The following PALLD variants were observed in gnomAD, a reference collection of about 807,000 sequenced individuals.
PALLD encodes palladin.
A neutral mutation model predicts 123.5 loss-of-function variants in PALLD; 61 were observed. That is an observed-to-expected ratio of 0.49 (90% CI 0.40 to 0.61). PALLD has a LOEUF of 0.61. Among genes scored for constraint, PALLD ranks in the 20% least tolerant of loss-of-function variants. PALLD has a pLI of 0.00. For synonymous variants in PALLD, 465 were observed against 496.4 expected (o/e 0.94, Z 0.84); for missense variants, 1,273 against 1,377.0 (o/e 0.92, Z 1.20).
rs78313144 is a variant in PALLD at position 168,843,542 on chromosome 4, C to G, written c.1965-47380C>G. Among the ~76,000 whole-genome samples the G allele has an allele frequency of 3.2e-3, 491 of 152,244 alleles. 3 individuals carry two copies. The highest frequency in any genetic ancestry group is 0.011 in the African/African-American group (476 of 41,536). On this transcript the variant is annotated intron_variant, in intron 10 of 21. Transcript: ENST00000505667. ...ATTATTCCAGGTAATAATGATGCTACAATTAGAAAGTTTTCCAATTGTAGT... is the reference window on the plus strand; with the variant it reads ...ATTATTCCAGGTAATAATGATGCTAGAATTAGAAAGTTTTCCAATTGTAGT...
intron 10 of PALLD, among the ~76,000 whole-genome samples, chr4:168,847,913 TAA>T (rs1347673518): frequency 6.6e-6 from 1 of 152,200 alleles, no homozygotes; most frequent in Non-Finnish European, 1.5e-5. Context: ...CCAGGCATAT[TAA>T]GAGAGAGCTA....
intron 2 of PALLD, among the ~76,000 whole-genome samples, chr4:168,544,190 A>G (rs1450732680): frequency 6.6e-6 from 1 of 152,242 alleles, no homozygotes; most frequent in East Asian, 1.9e-4. Context: ...TCACTGATAT[A>G]TACTGATTAT....
chr4:168,736,592 C>T (rs909705131), intron 10 of PALLD, among the ~76,000 whole-genome samples: 1 of 152,148 alleles, frequency 6.6e-6, no homozygotes, highest in African/African-American at 2.4e-5. Context: ...AATGATCCAG[C>T]AAAGGCGAAT....
intron 2 of PALLD, chr4:168,648,440 A>G (rs953074108): frequency 2.6e-5 from 4 of 152,174 alleles, no homozygotes; most frequent in African/African-American, 9.7e-5. Context: ...TTCGGTCCAT[A>G]TGGGTATAAA....
At chr4:168,549,216 T>C (rs1766476678) in intron 2 of PALLD, among the ~76,000 whole-genome samples, 1 of 151,348 alleles carries the variant, frequency 6.6e-6, no homozygotes, top group Non-Finnish European at 1.5e-5. Flanking sequence ...TTTACAAAGA[T>C]ATCATTGAAA....
intron 10 of PALLD, among the ~76,000 whole-genome samples, chr4:168,731,244 C>T (rs1195280992): frequency 1.3e-5 from 2 of 152,306 alleles, no homozygotes; most frequent in South Asian, 2.1e-4. Context: ...TCAGTTTTTT[C>T]ACGATGAAGC....
chr4:168,674,039 C>T (rs1277016631), intron 3 of PALLD, among the ~76,000 whole-genome samples: 1 of 151,992 alleles, frequency 6.6e-6, no homozygotes, highest in Non-Finnish European at 1.5e-5. Flanking sequence ...CTCAGCCTCC[C>T]AAATAGCTGG....
At chr4:168,755,931 A>G in intron 10 of PALLD, 1 of 169,410 alleles carries the variant, frequency 5.9e-6, no homozygotes. Flanking sequence ...GACTTCAGTC[A>G]CGTCAGTATA....
intron 10 of PALLD, among the ~76,000 whole-genome samples, chr4:168,881,845 GA>G (rs1752654386): frequency 6.6e-6 from 1 of 152,134 alleles, no homozygotes; most frequent in Non-Finnish European, 1.5e-5. Context: ...AGACACAGAA[GA>G]AACCCAGAAG....
At chr4:168,727,808 C>G (rs1786745286) in intron 10 of PALLD, among the ~76,000 whole-genome samples, 1 of 152,140 alleles carries the variant, frequency 6.6e-6, no homozygotes, top group African/African-American at 2.4e-5. Context: ...AAGGTTATTT[C>G]CTAGGTTTTC....
At chr4:168,601,217 G>A (rs986012069) in intron 2 of PALLD, among the ~76,000 whole-genome samples, 3 of 152,036 alleles carry the variant, frequency 2.0e-5, no homozygotes. Context: ...TGCACATAGA[G>A]GGAAAGAGGC....
chr4:168,806,735 C>T (rs985671466), intron 10 of PALLD, among the ~76,000 whole-genome samples: 8 of 152,126 alleles, frequency 5.3e-5, no homozygotes, highest in Non-Finnish European at 1.2e-4. Context: ...CTGGGAGAAG[C>T]GGTCGTTTAG....
At chr4:168,621,605 G>A (rs1185691199) in intron 2 of PALLD, among the ~76,000 whole-genome samples, 1 of 152,138 alleles carries the variant, frequency 6.6e-6, no homozygotes, top group East Asian at 1.9e-4. Context: ...AATTTGTAAA[G>A]ACCATATTAC....
intron 2 of PALLD, among the ~76,000 whole-genome samples, chr4:168,640,553 GCATGTAGCTAAGGGT>G (rs1186087270): frequency 6.6e-6 from 1 of 152,158 alleles, no homozygotes; most frequent in Admixed American, 6.5e-5. Context: ...CTTCCAAGAG[GCATGTAGCTAAGGGT>G]CATTACATGG....
At chr4:168,738,102 C>T (rs1468691961) in intron 10 of PALLD, among the ~76,000 whole-genome samples, 1 of 152,178 alleles carries the variant, frequency 6.6e-6, no homozygotes, top group East Asian at 1.9e-4. Flanking sequence ...TTTCACTTGG[C>T]ATTTTTCATT....
intron 8 of PALLD, among the ~76,000 whole-genome samples, chr4:168,699,043 A>G (rs1479195695): frequency 6.6e-6 from 1 of 152,070 alleles, no homozygotes; most frequent in African/African-American, 2.4e-5. Context: ...TTTATATATG[A>G]TATTAAATAC....
chr4:168,777,274 A>G (rs1408684248), intron 10 of PALLD, among the ~76,000 whole-genome samples: 1 of 152,176 alleles, frequency 6.6e-6, no homozygotes, highest in African/African-American at 2.4e-5. Flanking sequence ...AGGGATACGG[A>G]GGAGAAGCAG....
chr4:168,916,684 C>CTTTTTTTT (rs545906704), intron 17 of PALLD, among the ~76,000 whole-genome samples: 1 of 136,450 alleles, frequency 7.3e-6, no homozygotes, highest in Non-Finnish European at 1.5e-5. Context: ...TTTTCTAATT[C>CTTTTTTTT]TTTTTTTTTT....
chr4:168,813,006 C>T (rs1289666207), intron 10 of PALLD, among the ~76,000 whole-genome samples: 1 of 152,088 alleles, frequency 6.6e-6, no homozygotes, highest in Non-Finnish European at 1.5e-5. Flanking sequence ...GGGACCTCCC[C>T]AGAGGCAAAT....
Sources: allele counts gnomAD v4.1 joint callset (sites outside exome capture counted in the v4.1 genomes callset), GRCh38; gene constraint gnomAD v4.1.1; transcripts MANE v1.5; gene names NCBI Gene and HGNC (gene_info 2026-07-23, HGNC 2026-07-21).